Variants in GON4L observed in about 807,000 individuals in gnomAD.
GON4L encodes gon-4 like.
GON4L carries 87 observed loss-of-function variants against 211.8 expected under a neutral mutation model. The ratio of observed to expected loss-of-function variants is 0.41; its 90% CI spans 0.35 to 0.49. GON4L has a LOEUF of 0.49. Among genes scored for constraint, GON4L ranks in the 20% least tolerant of loss-of-function variants. The pLI, the probability that GON4L is intolerant of heterozygous loss-of-function variation, is 0.15. For missense variants in GON4L, 2,155 were observed against 2,659.5 expected (o/e 0.81, Z 4.17); for synonymous variants, 875 against 962.6 (o/e 0.91, Z 1.68).
intron 14 of GON4L, among the ~76,000 whole-genome samples, chr1:155,782,979 A>G (rs999120574): frequency 6.6e-6 from 1 of 152,112 alleles, no homozygotes; most frequent in African/African-American, 2.4e-5. Context: ...AAATTTTAAG[A>G]AGTTACAAAG....
At chr1:155,844,470 C>T (rs1359096747) in intron 2 of GON4L, among the ~76,000 whole-genome samples, 1 of 152,130 alleles carries the variant, frequency 6.6e-6, no homozygotes, top group Admixed American at 6.6e-5. Flanking sequence ...AAAAAACACC[C>T]TCCTGGCCAG....
intron 11 of GON4L, among the ~76,000 whole-genome samples, chr1:155,802,455 T>C (rs1277278223): frequency 1.3e-5 from 2 of 152,154 alleles, no homozygotes; most frequent in African/African-American, 4.8e-5. Context: ...ATATAGAGTA[T>C]ATCATGTCAC....
chr1:155,788,118 A>C (rs1665147294), intron 12 of GON4L, among the ~76,000 whole-genome samples: 1 of 152,106 alleles, frequency 6.6e-6, no homozygotes, highest in Admixed American at 6.5e-5. Flanking sequence ...CAGCCTCATA[A>C]GTAGCTGGGA....
intron 12 of GON4L, among the ~76,000 whole-genome samples, chr1:155,791,238 G>T (rs1455475648): frequency 2.6e-5 from 4 of 152,096 alleles, no homozygotes; most frequent in Non-Finnish European, 4.4e-5. Context: ...CTCTAGCCTG[G>T]GGAACAAGAG....
intron 17 of GON4L, among the ~76,000 whole-genome samples, chr1:155,774,644 T>A (rs748620679): frequency 6.6e-6 from 1 of 152,124 alleles, no homozygotes; most frequent in Non-Finnish European, 1.5e-5. Context: ...AAGCTAAACA[T>A]GACCAAACTT....
chr1:155,764,973 T>C (rs1277055334), intron 21 of GON4L, 27 bp downstream of exon 21: 2 of 1,614,048 alleles, frequency 1.2e-6, no homozygotes, highest in East Asian at 4.5e-5. Context: ...GTCCACGAAA[T>C]ACTTGAGAAT....
At chr1:155,761,175 G>GTTT (rs921323729) in intron 23 of GON4L, among the ~76,000 whole-genome samples, 124 of 109,514 alleles carry the variant, frequency 1.1e-3, no homozygotes, top group African/African-American at 2.3e-3. Context: ...CTTATGTGTG[G>GTTT]TTTTTTTTTT....
At position 155,809,982 on chromosome 1, in the gene GON4L, A is replaced by ACG. The variant is rs1463790200; in HGVS notation, c.1452+3651_1452+3652insCG. Among the ~76,000 whole-genome samples, 7 of 36,476 alleles carry ACG rather than the reference A, an allele frequency of 1.9e-4. 2 individuals carry two copies. The highest frequency in any genetic ancestry group is 3.8e-4 in the African/African-American group (6 of 15,592). 23.9% of individuals were successfully genotyped at this position (36,476 alleles called of 152,430 possible). On this transcript the variant is annotated intron_variant, in intron 10 of 31. Transcript: ENST00000368331. ...ATACATATATAATTATAAATTATAT[A>ACG]TATATATAATTATATATATATATAT...
intron 10 of GON4L, among the ~76,000 whole-genome samples, chr1:155,805,571 A>G (rs958052829): frequency 6.6e-6 from 1 of 151,970 alleles, no homozygotes; most frequent in African/African-American, 2.4e-5. Flanking sequence ...TTCTGTCTCT[A>G]TGGATTTGTT....
intron 12 of GON4L, among the ~76,000 whole-genome samples, chr1:155,791,119 G>C (rs560878597): frequency 6.6e-6 from 1 of 151,756 alleles, no homozygotes; most frequent in Non-Finnish European, 1.5e-5. Context: ...AAAAGTAGCC[G>C]GGCATGGTGG....
At chr1:155,829,852 C>T (rs1239082351) in intron 2 of GON4L, among the ~76,000 whole-genome samples, 1 of 151,190 alleles carries the variant, frequency 6.6e-6, no homozygotes, top group African/African-American at 2.4e-5. Flanking sequence ...ATTGTGGAGT[C>T]AGAGGGGAAA....
At chr1:155,822,195 G>C (rs537595585) in intron 4 of GON4L, 91 bp downstream of exon 4, 1 of 1,036,316 alleles carries the variant, frequency 9.6e-7, no homozygotes, top group Non-Finnish European at 1.5e-6. Context: ...GGTAATTCAC[G>C]TATCAAGAGT....
chr1:155,824,376 G>A, intron 3 of GON4L, among the ~76,000 whole-genome samples: 1 of 144,862 alleles, frequency 6.9e-6, no homozygotes, highest in Non-Finnish European at 1.5e-5. Flanking sequence ...AGCGGTTGCA[G>A]TGAGCCGAGA....
At chr1:155,812,885 T>A (rs371539182) in intron 10 of GON4L, among the ~76,000 whole-genome samples, 1 of 152,164 alleles carries the variant, frequency 6.6e-6, no homozygotes, top group Non-Finnish European at 1.5e-5. Context: ...AACACTATTA[T>A]ACTGTGTTAA....
chr1:155,839,180 T>C (rs1670567790), intron 2 of GON4L, among the ~76,000 whole-genome samples: 1 of 151,896 alleles, frequency 6.6e-6, no homozygotes, highest in African/African-American at 2.4e-5. Flanking sequence ...AACCAGTAAG[T>C]AGGGGAGAGA....
intron 2 of GON4L, among the ~76,000 whole-genome samples, chr1:155,842,005 G>A (rs1306135463): frequency 1.3e-5 from 2 of 151,852 alleles, no homozygotes; most frequent in African/African-American, 2.4e-5. Flanking sequence ...TACAGCCTGA[G>A]TGACAGAGCA....
intron 10 of GON4L, among the ~76,000 whole-genome samples, chr1:155,812,725 T>G (rs1048021553): frequency 6.6e-6 from 1 of 152,050 alleles, no homozygotes; most frequent in South Asian, 2.1e-4. Flanking sequence ...CTGGCAAATT[T>G]TTGTATTTTC....
At chr1:155,851,729 A>G (rs922362219) in intron 2 of GON4L, among the ~76,000 whole-genome samples, 27 of 151,770 alleles carry the variant, frequency 1.8e-4, no homozygotes, top group African/African-American at 6.3e-4. Flanking sequence ...AAAAAAATGA[A>G]TAAGAGAAGT....
chr1:155,763,274 G>A (rs1160381501), intron 22 of GON4L, 38 bp downstream of exon 22: 1 of 1,603,516 alleles, frequency 6.2e-7, no homozygotes, highest in Non-Finnish European at 8.5e-7. Flanking sequence ...ATGAGGTTAA[G>A]TGAGAATGGT....
Sources: allele counts gnomAD v4.1 joint callset (sites outside exome capture counted in the v4.1 genomes callset), GRCh38; gene constraint gnomAD v4.1.1; transcripts MANE v1.5; gene names NCBI Gene and HGNC (gene_info 2026-07-23, HGNC 2026-07-21).